Variants in GOLGA8N observed in about 807,000 individuals in gnomAD.
GOLGA8N encodes the protein golgin subfamily A member 8N.
A neutral mutation model predicts 22.0 loss-of-function variants in GOLGA8N; 2 were observed. The ratio of observed to expected loss-of-function variants is 0.09; its 90% CI spans 0.04 to 0.29. The LOEUF (loss-of-function observed/expected upper bound fraction) is 0.29. GOLGA8N is among the 10% of genes least tolerant of loss of function. The probability of loss-of-function intolerance (pLI) is 1.00; values close to 1 mark genes in which losing one functional copy is unlikely to be tolerated. For synonymous variants in GOLGA8N, 2 were observed against 58.7 expected (o/e 0.03, Z 4.41); for missense variants, 10 against 164.7 (o/e 0.06, Z 5.14).
chr15:32,595,864 C>G (rs1454269498), intron 2 of GOLGA8N, among the ~76,000 whole-genome samples: 2 of 151,250 alleles, frequency 1.3e-5, no homozygotes, highest in Admixed American at 6.6e-5. Flanking sequence ...GTTGCTTGAC[C>G]TCATTGGGCC....
At position 32,594,697 on chromosome 15, in the gene GOLGA8N, TC is replaced by T. The variant is rs1228569100; in HGVS notation, c.49-568del. ...GGGACATCTTTCTGAAGCATCAGTT[TC>T]CCTTGATTCTCTTGAGATCAAGAGA... On this transcript the variant is annotated intron_variant, in intron 1 of 18. Transcript: ENST00000448387. The T allele has an allele frequency of 7.7e-6, 2 of 259,440 alleles. 1 individual carries two copies. Among genetic ancestry groups the T allele is most frequent in the Non-Finnish European group, 1.5e-5 (2 of 133,356 alleles). 16.1% of individuals were successfully genotyped at this position (259,440 alleles called of 1,614,324 possible). A position where few individuals can be genotyped will look rare whatever the true frequency, so the allele number is the denominator to read the frequency against.
chr15:32,607,133 T>C (rs2140422869), exon 19 of GOLGA8N: 1 of 152,428 alleles, frequency 6.6e-6, no homozygotes, highest in East Asian at 1.9e-4. Context: ...GATGCCACTG[T>C]AATGTAATAA....
Position 32,606,491 on chromosome 15 carries a change from C to A in GOLGA8N, c.*2513C>A, listed in dbSNP as rs917776213. On this transcript the variant is annotated 3_prime_UTR_variant, in exon 19 of 19. Coordinates refer to ENST00000448387, the Ensembl canonical transcript of GOLGA8N. ...GTATGACAATAACTTAAGTCTTTCTCCAAAGTGCATGCAGTCTTTTGCGAT... is the reference window on the plus strand; with the variant it reads ...GTATGACAATAACTTAAGTCTTTCTACAAAGTGCATGCAGTCTTTTGCGAT... 24 of 151,256 alleles carry A rather than the reference C, an allele frequency of 1.6e-4. 1 individual carries two copies. The highest frequency in any genetic ancestry group is 5.4e-4 in the African/African-American group (22 of 40,862). 9.4% of individuals were successfully genotyped at this position (151,256 alleles called of 1,614,324 possible).
chr15:32,607,205 A>G (rs1273208380), exon 19 of GOLGA8N: 1 of 152,446 alleles, frequency 6.6e-6, no homozygotes, highest in Non-Finnish European at 1.5e-5. Context: ...TTTCTTGAAA[A>G]CTATAGTATT....
chr15:32,606,632 G>GT (rs1164457529), exon 19 of GOLGA8N: 1 of 149,090 alleles, frequency 6.7e-6, no homozygotes, highest in Non-Finnish European at 1.5e-5. Context: ...ATTTTAAACT[G>GT]TGAGTTCCAC....
chr15:32,605,206 T>G (rs1408558537), exon 19 of GOLGA8N: 1 of 136,408 alleles, frequency 7.3e-6, no homozygotes, highest in East Asian at 2.1e-4. Flanking sequence ...TTTACTTCTT[T>G]TTCTTTGAAT....
chr15:32,605,211 T>C (rs1297414148), exon 19 of GOLGA8N: 4 of 140,590 alleles, frequency 2.8e-5, no homozygotes, highest in Non-Finnish European at 6.1e-5. Flanking sequence ...TTCTTTTTCT[T>C]TGAATGGAAA....
At chr15:32,605,467 T>C (rs1369949084) in exon 19 of GOLGA8N, 3 of 151,248 alleles carry the variant, frequency 2.0e-5, no homozygotes, top group Non-Finnish European at 1.5e-5. Context: ...AAGTGAAATA[T>C]GTTTTTGTAC....
At chr15:32,598,940 T>C (rs1429465369) in intron 8 of GOLGA8N, among the ~76,000 whole-genome samples, 1 of 65,444 alleles carries the variant, frequency 1.5e-5, no homozygotes, top group Non-Finnish European at 3.6e-5. Context: ...GCACGGTACC[T>C]GGTGAAGCAT....
At chr15:32,606,344 C>T (rs1595747491) in exon 19 of GOLGA8N, 1 of 117,424 alleles carries the variant, frequency 8.5e-6, no homozygotes, top group Admixed American at 9.3e-5. Flanking sequence ...GATTAAATCA[C>T]ACACTGGCAT....
exon 19 of GOLGA8N, chr15:32,605,243 C>T (rs1475833805): frequency 6.8e-6 from 1 of 147,932 alleles, no homozygotes; most frequent in Non-Finnish European, 1.5e-5. Context: ...AAAATAGAAA[C>T]ATTCTTATAA....
At chr15:32,597,540 T>G in intron 5 of GOLGA8N, 51 bp downstream of exon 5, 1 of 1,578,068 alleles carries the variant, frequency 6.3e-7, no homozygotes, top group South Asian at 1.1e-5. Context: ...TGGGGGGCAC[T>G]CAGACATAGA....
exon 19 of GOLGA8N, chr15:32,606,857 T>A (rs1016367891): frequency 6.6e-6 from 1 of 151,054 alleles, no homozygotes; most frequent in African/African-American, 2.4e-5. Context: ...TTAGTCATTT[T>A]AAAATAATAT....
At chr15:32,606,846 C>G (rs1005047471) in exon 19 of GOLGA8N, 1 of 149,848 alleles carries the variant, frequency 6.7e-6, no homozygotes, top group Non-Finnish European at 1.5e-5. Flanking sequence ...AAAACTTTAT[C>G]TTAGTCATTT....
chr15:32,606,840 CTT>C (rs1567040871), exon 19 of GOLGA8N: 1 of 149,970 alleles, frequency 6.7e-6, no homozygotes, highest in East Asian at 1.9e-4. Flanking sequence ...TTCTCTAAAA[CTT>C]TATCTTAGTC....
exon 19 of GOLGA8N, chr15:32,606,860 AATAAT>A (rs774157790): frequency 1.4e-4 from 21 of 151,118 alleles, no homozygotes; most frequent in Non-Finnish European, 2.9e-4. Flanking sequence ...GTCATTTTAA[AATAAT>A]ATAACTATTA....
chr15:32,595,783 A>G (rs1413861094), intron 2 of GOLGA8N, among the ~76,000 whole-genome samples: 9 of 118,384 alleles, frequency 7.6e-5, no homozygotes, highest in African/African-American at 2.4e-4. Flanking sequence ...GTCTCAAAAA[A>G]AAAAAAAAAG....
chr15:32,605,893 CA>C (rs2052927274), exon 19 of GOLGA8N: 1 of 114,426 alleles, frequency 8.7e-6, no homozygotes, highest in South Asian at 2.9e-4. Context: ...ATGAATGTAT[CA>C]ATGTATTAGA....
chr15:32,606,870 C>G (rs1203255670), exon 19 of GOLGA8N: 5 of 149,816 alleles, frequency 3.3e-5, no homozygotes, highest in African/African-American at 1.2e-4. Context: ...AATAATATAA[C>G]TATTAAAAAA....
Sources: allele counts gnomAD v4.1 joint callset (sites outside exome capture counted in the v4.1 genomes callset), GRCh38; gene constraint gnomAD v4.1.1; transcripts MANE v1.5; gene names NCBI Gene and HGNC (gene_info 2026-07-23, HGNC 2026-07-21).